The following FLRT2 variants were observed in gnomAD, a reference collection of about 807,000 sequenced individuals.
FLRT2 encodes the protein fibronectin leucine rich transmembrane protein 2.
In FLRT2, 15 loss-of-function variants were observed where a neutral mutation model predicts 40.0. The observed-to-expected ratio is 0.38, with a 90% CI of 0.25 to 0.58. FLRT2 has a LOEUF of 0.58. Among genes scored for constraint, FLRT2 ranks in the 20% least tolerant of loss-of-function variants. The probability of loss-of-function intolerance (pLI) is 0.71; values close to 1 mark genes in which losing one functional copy is unlikely to be tolerated. For synonymous variants in FLRT2, 380 were observed against 336.8 expected (o/e 1.13, Z -1.41); for missense variants, 726 against 840.0 (o/e 0.86, Z 1.68).
At chr14:85,598,573 G>A (rs2139329061) in intron 1 of FLRT2, among the ~76,000 whole-genome samples, 1 of 152,270 alleles carries the variant, frequency 6.6e-6, no homozygotes, top group Admixed American at 6.5e-5. Context: ...GCTTCTGATG[G>A]TGATGTTCTG....
intron 1 of FLRT2, among the ~76,000 whole-genome samples, chr14:85,595,979 G>A (rs1230028429): frequency 1.3e-5 from 2 of 152,160 alleles, no homozygotes; most frequent in African/African-American, 2.4e-5. Context: ...CCTGGGGCAG[G>A]TTTGGAGGTC....
chr14:85,600,790 TG>T (rs777553059), intron 1 of FLRT2, among the ~76,000 whole-genome samples: 1 of 152,154 alleles, frequency 6.6e-6, no homozygotes, highest in Non-Finnish European at 1.5e-5. Context: ...GAACTTCCAG[TG>T]CTGGGAAAGA....
chr14:85,573,632 A>G (rs74787026), intron 1 of FLRT2, among the ~76,000 whole-genome samples: 3,549 of 152,226 alleles, frequency 0.023, 112 homozygotes, highest in East Asian at 0.1. Flanking sequence ...GTGAGGAGGA[A>G]TTGTTTAACG....
At chr14:85,532,444 CTTGT>C (rs1240824129) in intron 1 of FLRT2, among the ~76,000 whole-genome samples, 21 of 152,256 alleles carry the variant, frequency 1.4e-4, no homozygotes, top group Admixed American at 1.3e-3. Flanking sequence ...GCTTTTTTTA[CTTGT>C]TTGTTTGTTT....
chr14:85,567,953 T>TC (rs1232716332), intron 1 of FLRT2, among the ~76,000 whole-genome samples: 2 of 151,798 alleles, frequency 1.3e-5, no homozygotes, highest in African/African-American at 4.8e-5. Flanking sequence ...TTTATTTTTT[T>TC]CTATAGAGAT....
chr14:85,604,373 A>G (rs1053118152), intron 1 of FLRT2, among the ~76,000 whole-genome samples: 2 of 152,126 alleles, frequency 1.3e-5, no homozygotes, highest in Non-Finnish European at 2.9e-5. Context: ...GTAATCGCCA[A>G]TGTGCTCATT....
rs1035026215 is a variant in FLRT2 at position 85,648,349 on chromosome 14, A to G, written c.*24852A>G. 1.1e-4 allele frequency: 17 copies of G among 152,204 alleles called. No homozygotes were observed. Among genetic ancestry groups the G allele is most frequent in the Admixed American group, 5.9e-4 (9 of 15,270 alleles). 9.4% of individuals were successfully genotyped at this position (152,204 alleles called of 1,614,324 possible). ...CTGTAAGCCCACATGTGCATTTCCC[A>G]GAGTCCCTTGTTGCTAGGGGGCTGA... On this transcript the variant is annotated 3_prime_UTR_variant, in exon 2 of 2. Transcript: ENST00000330753.
At chr14:85,545,036 A>G (rs890305564) in intron 1 of FLRT2, among the ~76,000 whole-genome samples, 2 of 152,116 alleles carry the variant, frequency 1.3e-5, no homozygotes, top group African/African-American at 4.8e-5. Flanking sequence ...GAAAAAACAC[A>G]TGAGATGATT....
chr14:85,591,308 G>A (rs938864597), intron 1 of FLRT2, among the ~76,000 whole-genome samples: 6 of 152,152 alleles, frequency 3.9e-5, no homozygotes, highest in African/African-American at 1.4e-4. Context: ...TTTTCTCAGG[G>A]ATAGGCCCTT....
intron 1 of FLRT2, chr14:85,531,304 C>T (rs931753579): frequency 6.6e-6 from 1 of 152,412 alleles, no homozygotes; most frequent in Non-Finnish European, 1.5e-5. Context: ...GGCAAGGAGC[C>T]AGCGAGGGTG....
At chr14:85,543,897 T>G (rs2139813825) in intron 1 of FLRT2, among the ~76,000 whole-genome samples, 1 of 152,298 alleles carries the variant, frequency 6.6e-6, no homozygotes, top group Non-Finnish European at 1.5e-5. Flanking sequence ...TTATATTGTA[T>G]TATAAAATGT....
intron 1 of FLRT2, among the ~76,000 whole-genome samples, chr14:85,577,620 C>A (rs573498649): frequency 6.6e-6 from 1 of 151,904 alleles, no homozygotes; most frequent in Non-Finnish European, 1.5e-5. Flanking sequence ...AGGGTCTCAC[C>A]GTGTTGCCCA....
At chr14:85,534,057 G>C (rs893952179) in intron 1 of FLRT2, among the ~76,000 whole-genome samples, 12 of 146,344 alleles carry the variant, frequency 8.2e-5, no homozygotes, top group Non-Finnish European at 1.7e-4. Context: ...TCCTCCCAGA[G>C]CCCTTCCTGG....
chr14:85,533,796 G>T (rs1325349177), intron 1 of FLRT2, among the ~76,000 whole-genome samples: 1 of 151,570 alleles, frequency 6.6e-6, no homozygotes, highest in East Asian at 1.9e-4. Context: ...GCTGCGGGGA[G>T]GCGCGCGCCG....
intron 1 of FLRT2, among the ~76,000 whole-genome samples, chr14:85,551,287 G>C (rs1889603104): frequency 6.6e-6 from 1 of 152,164 alleles, no homozygotes; most frequent in African/African-American, 2.4e-5. Context: ...ATCTGTGCAA[G>C]GTGGTATGTG....
chr14:85,603,636 G>T (rs184379963), intron 1 of FLRT2, among the ~76,000 whole-genome samples: 1 of 152,220 alleles, frequency 6.6e-6, no homozygotes, highest in Admixed American at 6.5e-5. Flanking sequence ...TTGGGAGGCT[G>T]GGCGGGCAGA....
At chr14:85,582,403 C>G (rs986064117) in intron 1 of FLRT2, among the ~76,000 whole-genome samples, 1 of 152,082 alleles carries the variant, frequency 6.6e-6, no homozygotes, top group African/African-American at 2.4e-5. Flanking sequence ...TTCAATACTA[C>G]TAATTGATTG....
intron 1 of FLRT2, among the ~76,000 whole-genome samples, chr14:85,558,594 A>G (rs752772067): frequency 1.1e-4 from 16 of 152,098 alleles, no homozygotes; most frequent in Non-Finnish European, 1.3e-4. Context: ...TTCTTCAATC[A>G]TTTTTTTGTT....
chr14:85,643,354 T>TCTTTCTTCCTTCCTTCCTTCCTTC lies in FLRT2; in HGVS notation c.*19860_*19861insTCTTCCTTCCTTCCTTCCTTCCTT, dbSNP rs1555373579. The TCTTTCTTCCTTCCTTCCTTCCTTC allele has an allele frequency of 4.3e-5, 2 of 46,076 alleles. No homozygotes were observed. The highest frequency in any genetic ancestry group is 1.1e-3 in the South Asian group (1 of 920). 2.9% of individuals were successfully genotyped at this position (46,076 alleles called of 1,614,324 possible). On this transcript the variant is annotated 3_prime_UTR_variant, in exon 2 of 2. Transcript: ENST00000330753. The stretch of plus-strand genomic sequence containing the variant: ...TTCTTTCTTTCTTTCTTTCTTTCTT[T>TCTTTCTTCCTTCCTTCCTTCCTTC]CTTCCTTCCTTCCTTCCTTCCTTTC...
Sources: gnomAD v4.1 joint callset for allele counts (sites outside exome capture counted in the v4.1 genomes callset) on GRCh38, gnomAD v4.1.1 for gene constraint, MANE v1.5 for transcripts, NCBI Gene and HGNC (gene_info 2026-07-23, HGNC 2026-07-21) for gene names.